Variants in TCP11L2 observed in about 807,000 individuals in gnomAD.
TCP11L2 encodes the protein T-complex protein 11-like protein 2.
Under a neutral mutation model 50.7 loss-of-function variants are expected in TCP11L2, and 39 were observed. The observed-to-expected ratio is 0.77, with a 90% CI of 0.60 to 1.01. TCP11L2 has a LOEUF of 1.01. TCP11L2 is among the 50% of genes least tolerant of loss of function. TCP11L2 has a pLI of 0.00. For synonymous variants in TCP11L2, 192 were observed against 219.3 expected (o/e 0.88, Z 1.10); for missense variants, 612 against 614.7 (o/e 1.00, Z 0.05).
chr12:106,342,319 G>A (rs10861577), intron 9 of TCP11L2, among the ~76,000 whole-genome samples: 31,419 of 152,100 alleles, frequency 0.21, 3,434 homozygotes, highest in African/African-American at 0.23. Flanking sequence ...TGGTGTATAC[G>A]ACATTGTGGG....
chr12:106,305,854 T>A (rs949958394), intron 1 of TCP11L2, among the ~76,000 whole-genome samples: 2 of 152,124 alleles, frequency 1.3e-5, no homozygotes, highest in Admixed American at 6.5e-5. Flanking sequence ...GTTTGGCATG[T>A]CTGAGGAACG....
intron 2 of TCP11L2, chr12:106,312,443 GCC>G (rs2034898229): frequency 8.3e-7 from 1 of 1,200,566 alleles, no homozygotes; most frequent in Non-Finnish European, 1.0e-6. Context: ...AGGTTTCTGT[GCC>G]TTTTCTCACT....
rs1418947006 is a variant in TCP11L2, at chr12:106,340,974, G to A, written c.1291G>A (p.Asp431Asn). 1.2e-6 allele frequency: 2 copies of A among 1,610,818 alleles called. No homozygotes were observed. Among genetic ancestry groups the A allele is most frequent in the African/African-American group, 1.3e-5 (1 of 74,758 alleles). Reference protein sequence around the residue: ...IGQFSSIEEEDNPIWSLIDKR... With the variant: ...IGQFSSIEEENNPIWSLIDKR... ...TCAATTTTCAAGCATTGAAGAGGAG[G>A]ACAATCCTATCTGGTCCTTGATTGG... Residue 431 changes from aspartate (D) to asparagine (N), a missense_variant, in exon 9 of 10, where the codon GAC (aspartate) becomes AAC (asparagine). Transcript: ENST00000299045.
chr12:106,310,350 C>T (rs1421438652), intron 1 of TCP11L2, among the ~76,000 whole-genome samples: 1 of 152,128 alleles, frequency 6.6e-6, no homozygotes, highest in African/African-American at 2.4e-5. Context: ...TATATCAGGT[C>T]TTAATCTTCA....
chr12:106,312,391 C>A, intron 2 of TCP11L2: 1 of 1,236,850 alleles, frequency 8.1e-7, no homozygotes, highest in Non-Finnish European at 1.0e-6. Context: ...TAAGGAGAAT[C>A]TTGAGTCAGA....
chr12:106,312,545 C>A, intron 2 of TCP11L2: 1 of 488,450 alleles, frequency 2.0e-6, no homozygotes, highest in Non-Finnish European at 2.7e-6. Context: ...TATCACCTTT[C>A]TCTTCTTCCT....
chr12:106,335,647 G>T lies in TCP11L2; in HGVS notation c.781G>T (p.Asp261Tyr). The change falls in exon 7 of 10, where the codon GAT becomes TAT. Residue 261 changes from aspartate to tyrosine, a missense_variant. Coordinates refer to ENST00000299045, the MANE Select transcript of TCP11L2 (RefSeq NM_152772.3). ...GGCCTTTTCACTCTTAGGTGCTCTTGATCAGACTACAGAATGGATAAAAGA... is the reference window on the plus strand; with the variant it reads ...GGCCTTTTCACTCTTAGGTGCTCTTTATCAGACTACAGAATGGATAAAAGA... ...EILEETPSAL[D>Y]QTTEWIKESV... 2 of 1,613,976 alleles carry T rather than the reference G, an allele frequency of 1.2e-6. No individual in the cohort carries two copies. The highest frequency in any genetic ancestry group is 1.3e-5 in the African/African-American group (1 of 75,030).
At chr12:106,301,165 G>C (rs1389093304), upstream of TCP11L2, among the ~76,000 whole-genome samples, 2 of 152,162 alleles carry the variant, frequency 1.3e-5, no homozygotes, top group Non-Finnish European at 2.9e-5. Flanking sequence ...ACAAATAAGA[G>C]CATGTTTGTA....
chr12:106,337,348 T>C (rs2035953640), intron 8 of TCP11L2, among the ~76,000 whole-genome samples: 1 of 152,210 alleles, frequency 6.6e-6, no homozygotes, highest in Non-Finnish European at 1.5e-5. Flanking sequence ...TAGAATAGAA[T>C]TTGCCTTGGG....
chr12:106,298,559 T>C (rs1466347739), upstream of TCP11L2, among the ~76,000 whole-genome samples: 4 of 152,214 alleles, frequency 2.6e-5, no homozygotes, highest in Non-Finnish European at 5.9e-5. Context: ...TCTCGCTCTG[T>C]TGCCCAGGCT....
At chr12:106,301,990 G>A (rs1484353933), upstream of TCP11L2, 3 of 152,280 alleles carry the variant, frequency 2.0e-5, no homozygotes, top group East Asian at 5.8e-4. Flanking sequence ...ATCGTCCCGT[G>A]CAGGTGCAAA....
rs1257767813 is a variant in TCP11L2 at position 106,336,054 on chromosome 12, G to A, written c.983G>A (p.Arg328His). Reference sequence around the variant, plus strand: ...TAGACACTTATGACAGATGGAGCACGTCTTCAGGAACTAACAGAAAAGCTG... The same window carrying A: ...TAGACACTTATGACAGATGGAGCACATCTTCAGGAACTAACAGAAAAGCTG... ...LPETLMTDGA[R>H]LQELTEKLNQ... is the part of the protein sequence containing the mutation. Residue 328 changes from arginine to histidine, a missense_variant, in exon 8 of 10, where the codon CGT (arginine) becomes CAT (histidine). Arg to His is a conservative substitution (Grantham distance 29). Transcript: ENST00000299045. 2.6e-5 allele frequency: 42 copies of A among 1,612,672 alleles called. No individual in the cohort carries two copies. Among genetic ancestry groups the A allele is most frequent in the Admixed American group, 1.0e-4 (6 of 59,700 alleles).
In TCP11L2 at chr12:106,323,559, A is replaced by T. The variant is rs2035420943; in HGVS notation, c.685A>T (p.Thr229Ser). The T allele has an allele frequency of 6.2e-7, 1 of 1,609,874 alleles. No homozygotes were observed. Among genetic ancestry groups the T allele is most frequent in the Middle Eastern group, 1.7e-4 (1 of 6,048 alleles). The change falls in exon 6 of 10, where the codon ACA becomes TCA. Residue 229 changes from threonine to serine, a missense_variant. Thr to Ser is a moderately conservative substitution (Grantham distance 58). Coordinates refer to ENST00000299045, the MANE Select transcript of TCP11L2 (RefSeq NM_152772.3). ...DLMQMDMANF[T>S]IMSLRPHLQR... ...CATGCAAATGGACATGGCCAATTTTACAATTATGAGTCTCAGACCGCACCT... is the reference window on the plus strand; with the variant it reads ...CATGCAAATGGACATGGCCAATTTTTCAATTATGAGTCTCAGACCGCACCT...
intron 1 of TCP11L2, among the ~76,000 whole-genome samples, chr12:106,309,535 T>C (rs1032299747): frequency 1.1e-4 from 17 of 151,918 alleles, no homozygotes; most frequent in Non-Finnish European, 1.9e-4. Flanking sequence ...TTCACCCTTA[T>C]TAGATCCCTC....
chr12:106,308,577 A>G (rs11832188), intron 1 of TCP11L2, among the ~76,000 whole-genome samples: 5,225 of 152,318 alleles, frequency 0.034, 336 homozygotes, highest in African/African-American at 0.12. Flanking sequence ...AAGTAGAGAA[A>G]AATTAAGAGC....
Position 106,330,333 on chromosome 12 carries a change from G to A in TCP11L2, c.773-5306G>A, listed in dbSNP as rs1431497737. 7.1e-6 allele frequency: 7 copies of A among 985,026 alleles called. No homozygotes were observed. The African/African-American group carries it at 1.2e-4, about 17-fold the overall frequency. The allele number at this position is 985,026 out of a possible 1,614,324, so 61.0% of individuals were successfully genotyped here. A position where few individuals can be genotyped will look rare whatever the true frequency, so the allele number is the denominator to read the frequency against. On this transcript the variant is annotated intron_variant, in intron 6 of 9. Coordinates refer to ENST00000299045, the MANE Select transcript of TCP11L2 (RefSeq NM_152772.3). The stretch of plus-strand genomic sequence containing the variant: ...AAAACTATTTGTCATCTAAGTCCGT[G>A]GTTCTCAACGTGGTTCTCTTAGGGG...
At chr12:106,339,242 A>G (rs902153873) in intron 8 of TCP11L2, among the ~76,000 whole-genome samples, 1 of 152,194 alleles carries the variant, frequency 6.6e-6, no homozygotes, top group Non-Finnish European at 1.5e-5. Flanking sequence ...AGTGATGTTG[A>G]GCATTTCTTC....
At chr12:106,319,562 T>A (rs1438157627) in intron 4 of TCP11L2, among the ~76,000 whole-genome samples, 4 of 152,202 alleles carry the variant, frequency 2.6e-5, no homozygotes, top group African/African-American at 9.7e-5. Flanking sequence ...ACGGGTTCTC[T>A]CTTTAAGTCT....
intron 6 of TCP11L2, among the ~76,000 whole-genome samples, chr12:106,328,535 G>A (rs568922982): frequency 6.6e-6 from 1 of 152,290 alleles, no homozygotes; most frequent in African/African-American, 2.4e-5. Flanking sequence ...CAGAGCAAGT[G>A]TCTGTCTCAA....
Sources: allele counts gnomAD v4.1 joint callset (sites outside exome capture counted in the v4.1 genomes callset), GRCh38; gene constraint gnomAD v4.1.1; transcripts MANE v1.5; gene names NCBI Gene and HGNC (gene_info 2026-07-23, HGNC 2026-07-21).